The following ZNF704 variants were observed in gnomAD, a reference collection of about 807,000 sequenced individuals.
ZNF704 encodes zinc finger protein 704.
In ZNF704, 10 loss-of-function variants were observed where a neutral mutation model predicts 44.7. The observed-to-expected ratio is 0.22, with a 90% CI of 0.14 to 0.38. The LOEUF (loss-of-function observed/expected upper bound fraction) is 0.38. Among genes scored for constraint, ZNF704 ranks in the 10% least tolerant of loss-of-function variants. ZNF704 has a pLI of 1.00. For missense variants in ZNF704, 390 were observed against 545.5 expected (o/e 0.71, Z 2.84); for synonymous variants, 211 against 207.6 (o/e 1.02, Z -0.14).
At chr8:80,877,712 C>T (rs1809375785), upstream of ZNF704, among the ~76,000 whole-genome samples, 1 of 152,196 alleles carries the variant, frequency 6.6e-6, no homozygotes, top group African/African-American at 2.4e-5. Flanking sequence ...TTTGTTGAGT[C>T]CTGACAAGTG....
chr8:80,715,091 A>G (rs183698923), intron 2 of ZNF704, among the ~76,000 whole-genome samples: 4 of 152,276 alleles, frequency 2.6e-5, no homozygotes, highest in Admixed American at 2.6e-4. Flanking sequence ...AAATAACTAT[A>G]CTCTGCATTC....
At chr8:80,822,607 C>T (rs945902330) in intron 1 of ZNF704, among the ~76,000 whole-genome samples, 4 of 152,290 alleles carry the variant, frequency 2.6e-5, no homozygotes, top group African/African-American at 4.8e-5. Context: ...TTCTAGATCC[C>T]TGAGGAATCG....
intron 2 of ZNF704, among the ~76,000 whole-genome samples, chr8:80,751,060 G>A (rs578175795): frequency 2.6e-5 from 4 of 152,236 alleles, no homozygotes; most frequent in African/African-American, 9.6e-5. Flanking sequence ...AGATAACTGT[G>A]TTTTAATAAA....
chr8:80,843,670 C>A (rs1808717443), intron 1 of ZNF704, among the ~76,000 whole-genome samples: 1 of 152,138 alleles, frequency 6.6e-6, no homozygotes, highest in African/African-American at 2.4e-5. Context: ...TAAAACACCT[C>A]TTAATTTTCT....
At chr8:80,799,925 A>C (rs542999529) in intron 2 of ZNF704, among the ~76,000 whole-genome samples, 1 of 152,288 alleles carries the variant, frequency 6.6e-6, no homozygotes, top group Non-Finnish European at 1.5e-5. Context: ...TCATAAAAAA[A>C]ACAATACAGG....
Position 80,641,526 on chromosome 8 carries a change from C to G in ZNF704, c.1128-49G>C, listed in dbSNP as rs200844536. The G allele has an allele frequency of 2.6e-6, 3 of 1,172,676 alleles. No individual in the cohort carries two copies. The East Asian group carries it at 7.8e-5, about 31-fold the overall frequency. 72.6% of individuals were successfully genotyped at this position (1,172,676 alleles called of 1,614,324 possible). A position where few individuals can be genotyped will look rare whatever the true frequency, so the allele number is the denominator to read the frequency against. ...AGTTTAGTGGGAGGAATTCAATGGG[C>G]ATTCTATGGAGAGCTCAAAAATCCC... On this transcript the variant is annotated intron_variant, in intron 8 of 8. Transcript: ENST00000327835.
At chr8:80,662,148 T>C (rs1008547224) in intron 6 of ZNF704, among the ~76,000 whole-genome samples, 4 of 152,186 alleles carry the variant, frequency 2.6e-5, no homozygotes, top group East Asian at 1.9e-4. Context: ...ATATATTAAA[T>C]AGAAAAAATA....
chr8:80,680,740 C>T (rs111954261), intron 4 of ZNF704, among the ~76,000 whole-genome samples: 2,733 of 152,204 alleles, frequency 0.018, 30 homozygotes, highest in Non-Finnish European at 0.026. Context: ...ATACATGTTG[C>T]CTTACCTTTT....
At chr8:80,654,531 G>A (rs1178125870) in intron 7 of ZNF704, among the ~76,000 whole-genome samples, 1 of 152,130 alleles carries the variant, frequency 6.6e-6, no homozygotes, top group African/African-American at 2.4e-5. Context: ...GTGGGCGAAG[G>A]ATATGAACAG....
intron 2 of ZNF704, among the ~76,000 whole-genome samples, chr8:80,706,349 T>A (rs1289015388): frequency 2.6e-5 from 4 of 152,214 alleles, no homozygotes. Context: ...TTTTTTTCCC[T>A]AGTTTTTTTT....
At chr8:80,825,321 G>A (rs1317472456) in intron 1 of ZNF704, among the ~76,000 whole-genome samples, 1 of 152,122 alleles carries the variant, frequency 6.6e-6, no homozygotes, top group East Asian at 1.9e-4. Context: ...GAACAAAAGA[G>A]ACAAGGAAGG....
intron 7 of ZNF704, among the ~76,000 whole-genome samples, chr8:80,646,712 T>A (rs1817840628): frequency 6.6e-6 from 1 of 152,160 alleles, no homozygotes; most frequent in Non-Finnish European, 1.5e-5. Context: ...CCCCATCTCA[T>A]AATGGCTTTG....
At chr8:80,756,071 T>C (rs1436794517) in intron 2 of ZNF704, among the ~76,000 whole-genome samples, 7 of 151,220 alleles carry the variant, frequency 4.6e-5, no homozygotes, top group Admixed American at 2.0e-4. Context: ...ATCACGCCAC[T>C]GCACTCCAGC....
At chr8:80,825,067 C>A (rs1413520343) in intron 1 of ZNF704, among the ~76,000 whole-genome samples, 1 of 152,164 alleles carries the variant, frequency 6.6e-6, no homozygotes, top group Non-Finnish European at 1.5e-5. Context: ...CAAATTCACA[C>A]ATAACAATAT....
At position 80,659,687 on chromosome 8, in the gene ZNF704, G is replaced by A; in HGVS notation, c.930C>T (p.Ala310=). The change falls in exon 7 of 9, where the codon GCC becomes GCT. Residue 310 remains alanine, a splice_region_variant and synonymous_variant. Transcript: ENST00000327835. ...ATCCTGGAATGGTCACAGGGGGTGTGGCCTGTCAAATAAAAAACAGAGAAA... is the reference window on the plus strand; with the variant it reads ...ATCCTGGAATGGTCACAGGGGGTGTAGCCTGTCAAATAAAAAACAGAGAAA... ...YLVHTDHAYQ[A]TPPVTIPGSA... The A allele has an allele frequency of 1.2e-6, 2 of 1,612,534 alleles. No individual in the cohort carries two copies. Among genetic ancestry groups the A allele is most frequent in the East Asian group, 2.2e-5 (1 of 44,860 alleles).
intron 2 of ZNF704, among the ~76,000 whole-genome samples, chr8:80,756,850 C>T (rs1236663009): frequency 6.6e-6 from 1 of 152,190 alleles, no homozygotes; most frequent in African/African-American, 2.4e-5. Flanking sequence ...ACAGTCACTG[C>T]CCTCTGCGAG....
intron 2 of ZNF704, among the ~76,000 whole-genome samples, chr8:80,764,121 C>A (rs998508324): frequency 3.9e-5 from 6 of 152,172 alleles, no homozygotes; most frequent in Non-Finnish European, 7.3e-5. Context: ...TGCCTGTTAC[C>A]CAGTTCCAAA....
chr8:80,866,701 C>CT (rs1213818160), intron 1 of ZNF704, among the ~76,000 whole-genome samples: 17 of 151,500 alleles, frequency 1.1e-4, no homozygotes, highest in Admixed American at 6.6e-4. Flanking sequence ...CCTTACTCCT[C>CT]TAAGCCCCTC....
At chr8:80,725,426 T>C (rs1333047939) in intron 2 of ZNF704, among the ~76,000 whole-genome samples, 1 of 152,238 alleles carries the variant, frequency 6.6e-6, no homozygotes, top group African/African-American at 2.4e-5. Context: ...TATTTTTATT[T>C]ACTTAATACA....
Sources: allele counts gnomAD v4.1 joint callset (sites outside exome capture counted in the v4.1 genomes callset), GRCh38; gene constraint gnomAD v4.1.1; transcripts MANE v1.5; gene names NCBI Gene and HGNC (gene_info 2026-07-23, HGNC 2026-07-21).